The following ZNF662 variants were observed in gnomAD, a reference collection of about 807,000 sequenced individuals.
ZNF662 encodes the protein zinc finger protein 662.
A neutral mutation model predicts 12.4 loss-of-function variants in ZNF662; 14 were observed. That is an observed-to-expected ratio of 1.13 (90% CI 0.75 to 1.77). The LOEUF (loss-of-function observed/expected upper bound fraction) is 1.77. ZNF662 is among the 40% of genes most tolerant of loss of function. The probability of loss-of-function intolerance (pLI) is 0.00; values close to 1 mark genes in which losing one functional copy is unlikely to be tolerated. For synonymous variants in ZNF662, 184 were observed against 176.4 expected (o/e 1.04, Z -0.34); for missense variants, 550 against 515.6 (o/e 1.07, Z -0.65).
In ZNF662 at chr3:42,910,364, G is replaced by A. The variant is rs74722491; in HGVS notation, c.151+1455G>A. Among the ~76,000 whole-genome samples the A allele has an allele frequency of 1.5e-3, 229 of 152,238 alleles. 3 individuals are homozygous for A. The East Asian group carries it at 0.032, about 21-fold the overall frequency. On this transcript the variant is annotated intron_variant, in intron 3 of 4. Coordinates refer to ENST00000440367, the MANE Select transcript of ZNF662 (RefSeq NM_207404.4). ...GTGCAAAGAGGGAGAGGGGGAGGGG[G>A]AAGGGGAGAGGGAGAGCTTTTATAT...
chr3:42,908,271 T>G (rs1418115597), intron 2 of ZNF662, 123 bp downstream of exon 2: 1 of 1,461,156 alleles, frequency 6.8e-7, no homozygotes, highest in Non-Finnish European at 9.1e-7. Context: ...TCTTGGATTT[T>G]TAATGACCTA....
At chr3:42,913,525 A>G (rs1000973065) in intron 4 of ZNF662, among the ~76,000 whole-genome samples, 4 of 152,202 alleles carry the variant, frequency 2.6e-5, no homozygotes, top group African/African-American at 9.7e-5. Flanking sequence ...CTTTTGCGTT[A>G]GACTTAAACT....
chr3:42,909,807 G>C (rs890013074), intron 3 of ZNF662, among the ~76,000 whole-genome samples: 1 of 150,800 alleles, frequency 6.6e-6, no homozygotes, highest in African/African-American at 2.5e-5. Context: ...CGGCGGGGCA[G>C]AGACACTCCT....
rs2088903947 is a variant in ZNF662, at chr3:42,917,201, C to T, written c.*1847C>T. 1 of 353,770 alleles carries T rather than the reference C, an allele frequency of 2.8e-6. No individual in the cohort carries two copies. The allele number at this position is 353,770 out of a possible 1,614,324, so 21.9% of individuals were successfully genotyped here. A position where few individuals can be genotyped will look rare whatever the true frequency, so the allele number is the denominator to read the frequency against. ...ACCCGGGTATTCTTTGGGAAGCTAT[C>T]CTTTCTCAGCTATGTGGTTTGGCAC... is the stretch of plus-strand genomic sequence containing the variant. On this transcript the variant is annotated 3_prime_UTR_variant, in exon 5 of 5. Coordinates refer to ENST00000440367, the MANE Select transcript of ZNF662 (RefSeq NM_207404.4).
chr3:42,913,488 A>G (rs78231273), intron 4 of ZNF662, among the ~76,000 whole-genome samples, 186 bp downstream of exon 4: 1,967 of 152,292 alleles, frequency 0.013, 28 homozygotes, highest in East Asian at 0.062. Context: ...AAGCTCAATT[A>G]ATTAAATTAA....
At chr3:42,912,326 C>A in intron 3 of ZNF662, among the ~76,000 whole-genome samples, 1 of 104,716 alleles carries the variant, frequency 9.5e-6, no homozygotes, top group East Asian at 2.6e-4. Flanking sequence ...GTCCATCTCT[C>A]TATTATATAT....
Position 42,916,031 on chromosome 3 carries a change from A to T in ZNF662, c.*677A>T, listed in dbSNP as rs553418442. The T allele has an allele frequency of 1.3e-5, 2 of 152,304 alleles. No individual in the cohort carries two copies. Among genetic ancestry groups the T allele is most frequent in the South Asian group, 4.1e-4 (2 of 4,832 alleles). 9.4% of individuals were successfully genotyped at this position (152,304 alleles called of 1,614,324 possible). On this transcript the variant is annotated 3_prime_UTR_variant, in exon 5 of 5. Coordinates refer to ENST00000440367, the MANE Select transcript of ZNF662 (RefSeq NM_207404.4). ...TATGTTTTTCAAATCCTGAAACATT[A>T]ATCTTTGACTAGATATAACATGCTC...
intron 3 of ZNF662, among the ~76,000 whole-genome samples, chr3:42,910,951 G>C (rs1193053533): frequency 1.3e-5 from 2 of 152,204 alleles, no homozygotes; most frequent in Non-Finnish European, 2.9e-5. Context: ...GGTATAGTTT[G>C]ATCAGAACTA....
In ZNF662 at chr3:42,914,804, G is replaced by T; in HGVS notation, c.731G>T (p.Gly244Val). 4 of 1,614,016 alleles carry T rather than the reference G, an allele frequency of 2.5e-6. No individual in the cohort carries two copies. Among genetic ancestry groups the T allele is most frequent in the Non-Finnish European group, 3.4e-6 (4 of 1,179,980 alleles). Residue 244 changes from glycine (G) to valine (V), a missense_variant, in exon 5 of 5, where the codon GGG (glycine) becomes GTG (valine). Gly to Val is a moderately radical substitution (Grantham distance 109, BLOSUM62 -3). Transcript: ENST00000440367. ...ATTGCACATCAGAGAATTCACAGTG[G>T]GGTGAAACCCTATGAATGTCAAGAA... ...HCIAHQRIHS[G>V]VKPYECQECA...
At position 42,918,276 on chromosome 3, in the gene ZNF662, A is replaced by G. The variant is rs1330343935; in HGVS notation, c.*2922A>G. On this transcript the variant is annotated 3_prime_UTR_variant, in exon 5 of 5. Transcript: ENST00000440367. ...CAGGAAAAATTAGTCACAGGGACACATTGAAAAGTGAGGAGGGCAGAATTT... is the reference window on the plus strand; with the variant it reads ...CAGGAAAAATTAGTCACAGGGACACGTTGAAAAGTGAGGAGGGCAGAATTT... 6.6e-6 allele frequency among the ~76,000 whole-genome samples: 1 copy of G among 152,082 alleles called. No homozygotes were observed. The highest frequency in any genetic ancestry group is 1.5e-5 in the Non-Finnish European group (1 of 68,018).
At chr3:42,909,354 A>G (rs2088736751) in intron 3 of ZNF662, among the ~76,000 whole-genome samples, 1 of 152,188 alleles carries the variant, frequency 6.6e-6, no homozygotes, top group Non-Finnish European at 1.5e-5. Flanking sequence ...TGGACACAGC[A>G]CATGTTTCAG....
Position 42,912,339 on chromosome 3 carries a change from T to C in ZNF662, c.152-862T>C, listed in dbSNP as rs1396697167. Among the ~76,000 whole-genome samples the C allele has an allele frequency of 5.6e-5, 6 of 107,554 alleles. No homozygotes were observed. The Admixed American group carries it at 5.7e-4, about 10-fold the overall frequency. 70.6% of individuals were successfully genotyped at this position (107,554 alleles called of 152,430 possible). On this transcript the variant is annotated intron_variant, in intron 3 of 4. Coordinates refer to ENST00000440367, the MANE Select transcript of ZNF662 (RefSeq NM_207404.4). ...TAGTCCATCTCTCTATTATATATGA[T>C]ATATATCATATATAATTATATATTA...
chr3:42,912,206 AAT>A (rs1331214113), intron 3 of ZNF662: 2 of 138,854 alleles, frequency 1.4e-5, no homozygotes, highest in Admixed American at 7.9e-5. Flanking sequence ...GTATATATAA[AAT>A]ATATAATCAT....
In ZNF662 at chr3:42,915,238, A is replaced by G. The variant is rs2088885345; in HGVS notation, c.1165A>G (p.Lys389Glu). Residue 389 changes from lysine (K) to glutamate (E), a missense_variant, in exon 5 of 5, where the codon AAA becomes GAA. Physicochemically the swap from Lys to Glu is moderately conservative, Grantham distance 56 (BLOSUM62 1). Transcript: ENST00000440367. ...QRIHTGERPY[K>E]CNDCGKAFSQ... ...AATCCATACTGGGGAAAGACCCTATAAATGTAATGACTGTGGGAAGGCCTT... is the reference window on the plus strand; with the variant it reads ...AATCCATACTGGGGAAAGACCCTATGAATGTAATGACTGTGGGAAGGCCTT... 2 of 1,613,458 alleles carry G rather than the reference A, an allele frequency of 1.2e-6. No homozygotes were observed. The highest frequency in any genetic ancestry group is 1.7e-6 in the Non-Finnish European group (2 of 1,179,780).
chr3:42,909,821 T>C (rs1019993539), intron 3 of ZNF662, among the ~76,000 whole-genome samples: 3 of 142,608 alleles, frequency 2.1e-5, no homozygotes, highest in African/African-American at 8.0e-5. Flanking sequence ...CACTCCTCAG[T>C]TCCCAGACGG....
chr3:42,912,662 A>ATTTTT lies in ZNF662; in HGVS notation c.152-538_152-537insTTTTT, dbSNP rs1559381501. Among the ~76,000 whole-genome samples the ATTTTT allele has an allele frequency of 1.4e-3, 88 of 61,902 alleles. 1 individual carries two copies. The highest frequency in any genetic ancestry group is 4.5e-3 in the African/African-American group (86 of 19,152). The allele number at this position is 61,902 out of a possible 152,430, so 40.6% of individuals were successfully genotyped here. On this transcript the variant is annotated intron_variant, in intron 3 of 4. Transcript: ENST00000440367. Reference sequence around the variant, plus strand: ...ATTTTATATATATATAAATATATATATATATTTTTTATATATATAAATATA... The same window carrying ATTTTT: ...ATTTTATATATATATAAATATATATATTTTTTATATTTTTTATATATATAAATATA...
At chr3:42,912,649 T>TATAAATATATATATATTTTTTATATAA (rs2088826971) in intron 3 of ZNF662, among the ~76,000 whole-genome samples, 2 of 78,380 alleles carry the variant, frequency 2.6e-5, no homozygotes, top group Non-Finnish European at 4.6e-5. Flanking sequence ...TTTATATATA[T>TATAAATATATATATATTTTTTATATAA]ATAAATATAT....
At position 42,919,100 on chromosome 3, in the gene ZNF662, T is replaced by G. The variant is rs764661594; in HGVS notation, c.*3746T>G. Reference sequence around the variant, plus strand: ...GAACTAGAATATTGATCCAGATTTTTACATTACTCATCCCTTTTGCTGCTT... The same window carrying G: ...GAACTAGAATATTGATCCAGATTTTGACATTACTCATCCCTTTTGCTGCTT... On this transcript the variant is annotated 3_prime_UTR_variant, in exon 5 of 5. Coordinates refer to ENST00000440367, the MANE Select transcript of ZNF662 (RefSeq NM_207404.4). Among the ~76,000 whole-genome samples the G allele has an allele frequency of 2.0e-5, 3 of 152,234 alleles. No individual in the cohort carries two copies. The highest frequency in any genetic ancestry group is 1.3e-4 in the Admixed American group (2 of 15,280).
rs2125651765 is a variant in ZNF662 at position 42,918,984 on chromosome 3, C to A, written c.*3630C>A. 6.6e-6 allele frequency among the ~76,000 whole-genome samples: 1 copy of A among 152,264 alleles called. No individual in the cohort carries two copies. Among genetic ancestry groups the A allele is most frequent in the East Asian group, 1.9e-4 (1 of 5,180 alleles). ...TTGGGGCTTGGCTTTCGTTAGCTCCCTTGGTCTTATTTTCCCAAAAAAGAA... is the reference window on the plus strand; with the variant it reads ...TTGGGGCTTGGCTTTCGTTAGCTCCATTGGTCTTATTTTCCCAAAAAAGAA... On this transcript the variant is annotated 3_prime_UTR_variant, in exon 5 of 5. Transcript: ENST00000440367.
Sources: gnomAD v4.1 joint callset for allele counts (sites outside exome capture counted in the v4.1 genomes callset) on GRCh38, gnomAD v4.1.1 for gene constraint, MANE v1.5 for transcripts, NCBI Gene and HGNC (gene_info 2026-07-23, HGNC 2026-07-21) for gene names.